PCDHGB4: variants seen among roughly 807,000 people sequenced by gnomAD.
The protein encoded by PCDHGB4 is protocadherin gamma subfamily B, 4, also known as protocadherin gamma-B4.
Under a neutral mutation model 60.5 loss-of-function variants are expected in PCDHGB4, and 38 were observed. The observed-to-expected ratio is 0.63, with a 90% CI of 0.48 to 0.82. PCDHGB4 has a LOEUF of 0.82. Among genes scored for constraint, PCDHGB4 ranks in the 40% least tolerant of loss-of-function variants. The probability of loss-of-function intolerance (pLI) is 0.00; values close to 1 mark genes in which losing one functional copy is unlikely to be tolerated. For missense variants in PCDHGB4, 1,109 were observed against 1,209.6 expected, an observed-to-expected ratio of 0.92 and a Z score of 1.23; for synonymous variants, 456 against 509.7, an observed-to-expected ratio of 0.89 and a Z score of 1.42.
At chr5:141,418,732 G>A (rs747081573) in intron 1 of PCDHGB4, 1 of 1,613,994 alleles carries the variant, frequency 6.2e-7, no homozygotes, top group Non-Finnish European at 8.5e-7. Flanking sequence ...CTCAGCACGT[G>A]TTCTCTCTGG....
In PCDHGB4 at chr5:141,461,830, C is replaced by CT. The variant is rs1030113508; in HGVS notation, c.2398-32967dup. On this transcript the variant is annotated intron_variant, in intron 1 of 3. Transcript: ENST00000519479. Reference sequence around the variant, plus strand: ...CACCACACCCAGCTAATTTTTTTTTCTTTTTTTTTTGAGACAGAGTTTTGC... The same window carrying CT: ...CACCACACCCAGCTAATTTTTTTTTCTTTTTTTTTTTGAGACAGAGTTTTGC... Among the ~76,000 whole-genome samples, 192 of 145,246 alleles carry CT rather than the reference C, an allele frequency of 1.3e-3. 1 individual carries two copies. In the Middle Eastern group the frequency reaches 0.022, roughly 16 times the overall value.
intron 1 of PCDHGB4, chr5:141,413,835 C>T (rs762735722): frequency 1.9e-6 from 3 of 1,613,258 alleles, no homozygotes. Context: ...CCGCCTCCGA[C>T]GGGGGTGACC....
chr5:141,392,671 C>A, intron 1 of PCDHGB4: 1 of 875,408 alleles, frequency 1.1e-6, no homozygotes, highest in Non-Finnish European at 1.7e-6. Context: ...AAACTAACTG[C>A]TGGACTGCAG....
chr5:141,397,268 T>A (rs532503951), intron 1 of PCDHGB4, among the ~76,000 whole-genome samples: 2 of 152,298 alleles, frequency 1.3e-5, no homozygotes, highest in South Asian at 4.1e-4. Context: ...CTTAGCTACA[T>A]CATATGGGCA....
At chr5:141,467,018 CTTTGT>C (rs1209768587) in intron 1 of PCDHGB4, among the ~76,000 whole-genome samples, 4 of 149,992 alleles carry the variant, frequency 2.7e-5, no homozygotes, top group African/African-American at 7.3e-5. Context: ...ATTTTTTTCC[CTTTGT>C]TTTTGTTTTT....
rs775204388 is a variant in PCDHGB4, at chr5:141,490,235, G to T, written c.2398-4572G>T. On this transcript the variant is annotated intron_variant, in intron 1 of 3. Transcript: ENST00000519479. This position sits in a 1 kb window ranked among gnomAD's most constrained non-coding sequence, Gnocchi z 5.4. ...GACCAGGGACAGCCTGCCATGGAGG[G>T]CCACTGTGTGATTCAAGTGGATGTG... 1 of 1,614,228 alleles carries T rather than the reference G, an allele frequency of 6.2e-7. No homozygotes were observed. The highest frequency in any genetic ancestry group is 1.1e-5 in the South Asian group (1 of 91,084).
In PCDHGB4 at chr5:141,487,128, G is replaced by T. The variant is rs565927415; in HGVS notation, c.2398-7679G>T. On this transcript the variant is annotated intron_variant, in intron 1 of 3. Transcript: ENST00000519479. This position sits in a 1 kb window ranked among gnomAD's most constrained non-coding sequence, Gnocchi z 5.0. ...GTCATTGTGGTAAAGGATAGTGGTA[G>T]TCCACCACTCTCTACCTCTGTTACT... The T allele has an allele frequency of 6.3e-5, 102 of 1,614,086 alleles. No individual in the cohort carries two copies. The South Asian group carries it at 7.7e-4, about 12-fold the overall frequency.
rs751153896 is a variant in PCDHGB4, at chr5:141,477,514, T to C, written c.2398-17293T>C. On this transcript the variant is annotated intron_variant, in intron 1 of 3. Transcript: ENST00000519479. The surrounding 1 kb of genome is among the most constrained non-coding windows in gnomAD (Gnocchi z 4.9). ...CTCAATCTTCCTACGACGTTTACAT[T>C]GAAGAAAACAACCTCCCCGGGGCTC... is the stretch of plus-strand genomic sequence containing the variant. 2 of 1,614,114 alleles carry C rather than the reference T, an allele frequency of 1.2e-6. No individual in the cohort carries two copies. The highest frequency in any genetic ancestry group is 2.2e-5 in the East Asian group (1 of 44,878).
chr5:141,451,233 T>A (rs1431967203), intron 1 of PCDHGB4, among the ~76,000 whole-genome samples: 1 of 152,216 alleles, frequency 6.6e-6, no homozygotes, highest in African/African-American at 2.4e-5. Flanking sequence ...GCATTTATTA[T>A]CTCATAAATT....
At position 141,408,387 on chromosome 5, in the gene PCDHGB4, C is replaced by T. The variant is rs774250271; in HGVS notation, c.2397+18106C>T. Reference sequence around the variant, plus strand: ...CTAGGGCTCAGTGTCCTGGATGTGTCGGCTCGCAAGCTGCGAGTGAGCGCG... The same window carrying T: ...CTAGGGCTCAGTGTCCTGGATGTGTTGGCTCGCAAGCTGCGAGTGAGCGCG... On this transcript the variant is annotated intron_variant, in intron 1 of 3. Transcript: ENST00000519479. 1.2e-5 allele frequency: 20 copies of T among 1,613,890 alleles called. No homozygotes were observed. Among genetic ancestry groups the T allele is most frequent in the Non-Finnish European group, 1.6e-5 (19 of 1,179,880 alleles).
At chr5:141,473,272 A>G (rs2099318396) in intron 1 of PCDHGB4, among the ~76,000 whole-genome samples, 1 of 152,182 alleles carries the variant, frequency 6.6e-6, no homozygotes, top group African/African-American at 2.4e-5. Flanking sequence ...GTATGCTATG[A>G]TTATTTTACT....
chr5:141,393,412 T>A (rs1382243931), intron 1 of PCDHGB4: 3 of 1,614,032 alleles, frequency 1.9e-6, no homozygotes, highest in South Asian at 1.1e-5. Flanking sequence ...GAGCGCGCCC[T>A]GGACAGGGAG....
intron 1 of PCDHGB4, chr5:141,423,750 TGG>T (rs144521096): frequency 3.2e-4 from 92 of 287,850 alleles, no homozygotes; most frequent in South Asian, 5.2e-4. Context: ...GAAAACTGTT[TGG>T]GGGGGGGGTG....
rs749590670 is a variant in PCDHGB4, at chr5:141,415,328, A to T, written c.2397+25047A>T. 7.9e-5 allele frequency: 127 copies of T among 1,614,184 alleles called. No individual in the cohort carries two copies. The Admixed American group carries it at 1.9e-3, about 24-fold the overall frequency. ...GCCTTCGTCATCGTGCTGCTGGCGC[A>T]CAGGCTGCGGCGCTGGCACAAGTCA... On this transcript the variant is annotated intron_variant, in intron 1 of 3. Transcript: ENST00000519479.
intron 1 of PCDHGB4, among the ~76,000 whole-genome samples, chr5:141,435,412 T>C (rs2097761991): frequency 6.6e-6 from 1 of 152,222 alleles, no homozygotes; most frequent in Non-Finnish European, 1.5e-5. Flanking sequence ...TGGTAAAGAC[T>C]ATTTTTCACT....
At position 141,436,288 on chromosome 5, in the gene PCDHGB4, C is replaced by T. The variant is rs533281663; in HGVS notation, c.2397+46007C>T. On this transcript the variant is annotated intron_variant, in intron 1 of 3. Coordinates refer to ENST00000519479, the MANE Select transcript of PCDHGB4 (RefSeq NM_003736.4). ...CACCTAACTTGATTTAGGAACAAATCATTGAGAGTTAGAGCATGAATAGTC... is the reference window on the plus strand; with the variant it reads ...CACCTAACTTGATTTAGGAACAAATTATTGAGAGTTAGAGCATGAATAGTC... 3.9e-3 allele frequency among the ~76,000 whole-genome samples: 590 copies of T among 152,274 alleles called. 9 individuals are homozygous for T. Among genetic ancestry groups the T allele is most frequent in the Middle Eastern group, 0.01 (3 of 294 alleles).
chr5:141,451,116 CCA>C (rs1257364243), intron 1 of PCDHGB4, among the ~76,000 whole-genome samples: 1 of 152,200 alleles, frequency 6.6e-6, no homozygotes, highest in Non-Finnish European at 1.5e-5. Context: ...GCGTGAGCCA[CCA>C]CACCCAGCCT....
chr5:141,399,660 C>T (rs988885728), intron 1 of PCDHGB4: 2 of 1,613,654 alleles, frequency 1.2e-6, no homozygotes, highest in East Asian at 2.2e-5. Context: ...GGGTGGTGTT[C>T]GCGCAGCGCG....
At chr5:141,434,364 A>G (rs1023051594) in intron 1 of PCDHGB4, among the ~76,000 whole-genome samples, 1 of 152,208 alleles carries the variant, frequency 6.6e-6, no homozygotes, top group Non-Finnish European at 1.5e-5. Context: ...AAATCTGGCC[A>G]TAAACTGGCC....
Sources: allele counts gnomAD v4.1 joint callset (sites outside exome capture counted in the v4.1 genomes callset), GRCh38; gene constraint gnomAD v4.1.1; non-coding constraint Gnocchi (gnomAD v3.1); transcripts MANE v1.5; gene names NCBI Gene and HGNC (gene_info 2026-07-23, HGNC 2026-07-21).